Variants in DACH1 observed in about 807,000 individuals in gnomAD.
DACH1 encodes dachshund homolog 1.
DACH1 carries 12 observed loss-of-function variants against 54.2 expected under a neutral mutation model. That is an observed-to-expected ratio of 0.22 (90% CI 0.14 to 0.36). DACH1 has a LOEUF of 0.36. Ranked by LOEUF, DACH1 falls within the 10% of genes least tolerant of loss-of-function variation. The probability of loss-of-function intolerance (pLI) is 1.00; values close to 1 mark genes in which losing one functional copy is unlikely to be tolerated. For missense variants in DACH1, 805 were observed against 929.8 expected, an observed-to-expected ratio of 0.87 and a Z score of 1.75; for synonymous variants, 386 against 366.2, an observed-to-expected ratio of 1.05 and a Z score of -0.62.
At chr13:71,506,829 G>A (rs1350091181) in intron 6 of DACH1, among the ~76,000 whole-genome samples, 2 of 151,548 alleles carry the variant, frequency 1.3e-5, no homozygotes, top group African/African-American at 4.8e-5. Flanking sequence ...TTAATAAATG[G>A]TGCTGGGAAA....
chr13:71,472,327 T>G (rs973907800), intron 10 of DACH1, among the ~76,000 whole-genome samples: 1 of 152,224 alleles, frequency 6.6e-6, no homozygotes, highest in African/African-American at 2.4e-5. Flanking sequence ...TCTTGATTCC[T>G]CTTGTCCACC....
At chr13:71,696,461 A>T (rs1291293264) in intron 1 of DACH1, among the ~76,000 whole-genome samples, 2 of 152,208 alleles carry the variant, frequency 1.3e-5, no homozygotes, top group Admixed American at 6.5e-5. Context: ...AGTCCATGCT[A>T]AATTGCCATG....
At position 71,589,973 on chromosome 13, in the gene DACH1, C is replaced by T. The variant is rs146316800; in HGVS notation, c.1127-16961G>A. Among the ~76,000 whole-genome samples the T allele has an allele frequency of 2.7e-3, 412 of 152,072 alleles. 4 individuals are homozygous for T. Among genetic ancestry groups the T allele is most frequent in the Admixed American group, 4.1e-3 (63 of 15,262 alleles). ...ATATGTACATTTTAAACTATACCTACGGGGCTGTAAATATAGTCAGTGTTA... is the reference window on the plus strand; with the variant it reads ...ATATGTACATTTTAAACTATACCTATGGGGCTGTAAATATAGTCAGTGTTA... On this transcript the variant is annotated intron_variant, in intron 3 of 10. Coordinates refer to ENST00000613252, the MANE Select transcript of DACH1 (RefSeq NM_080759.6).
At chr13:71,473,174 G>T (rs1207255163) in intron 10 of DACH1, among the ~76,000 whole-genome samples, 2 of 152,168 alleles carry the variant, frequency 1.3e-5, no homozygotes, top group Non-Finnish European at 2.9e-5. Context: ...AAAAACAACT[G>T]TACATTTTGA....
chr13:71,546,293 G>A (rs560558881), intron 6 of DACH1, among the ~76,000 whole-genome samples: 1 of 152,048 alleles, frequency 6.6e-6, no homozygotes, highest in African/African-American at 2.4e-5. Context: ...TTTTTCAAAA[G>A]AGGGATATAT....
chr13:71,566,656 CAT>C (rs1884910564), intron 4 of DACH1, among the ~76,000 whole-genome samples: 2 of 152,016 alleles, frequency 1.3e-5, no homozygotes, highest in Non-Finnish European at 2.9e-5. Context: ...AGCATTTAAA[CAT>C]GTGATGTATT....
At chr13:71,460,820 T>C (rs983337797) in intron 10 of DACH1, among the ~76,000 whole-genome samples, 7 of 152,060 alleles carry the variant, frequency 4.6e-5, no homozygotes, top group African/African-American at 1.7e-4. Context: ...CTGGTAACCC[T>C]TGGAAAGTAA....
chr13:71,636,011 T>C (rs2138583730), intron 2 of DACH1, among the ~76,000 whole-genome samples: 1 of 152,274 alleles, frequency 6.6e-6, no homozygotes, highest in East Asian at 1.9e-4. Flanking sequence ...CTCGAACTCC[T>C]GATCTCTGGT....
chr13:71,663,704 C>T (rs1267457320), intron 2 of DACH1, among the ~76,000 whole-genome samples: 1 of 151,886 alleles, frequency 6.6e-6, no homozygotes. Context: ...CAACTATTAG[C>T]TTATCTAACC....
In DACH1 at chr13:71,494,405, G is replaced by A. The variant is rs372078016; in HGVS notation, c.1571-5257C>T. ...TTTTCCCCTGGGTTAGCAATATGCA[G>A]TATGTGAGATATTTAACACTTTATT... is the stretch of plus-strand genomic sequence containing the variant. On this transcript the variant is annotated intron_variant, in intron 6 of 10. Coordinates refer to ENST00000613252, the MANE Select transcript of DACH1 (RefSeq NM_080759.6). Among the ~76,000 whole-genome samples, 28 of 152,106 alleles carry A rather than the reference G, an allele frequency of 1.8e-4. No individual in the cohort carries two copies. In the East Asian group the frequency reaches 5.0e-3, roughly 27 times the overall value.
At chr13:71,550,820 G>C (rs546815051) in intron 6 of DACH1, among the ~76,000 whole-genome samples, 2 of 151,966 alleles carry the variant, frequency 1.3e-5, no homozygotes, top group Non-Finnish European at 2.9e-5. Flanking sequence ...ACTTATTTTC[G>C]AGGCATGGAA....
intron 1 of DACH1, among the ~76,000 whole-genome samples, chr13:71,850,627 G>T (rs1003741263): frequency 6.6e-6 from 1 of 152,166 alleles, no homozygotes; most frequent in African/African-American, 2.4e-5. Context: ...GTACAAAAAT[G>T]TTGAGGAGTA....
chr13:71,739,842 T>C (rs1884307294), intron 1 of DACH1, among the ~76,000 whole-genome samples: 1 of 152,236 alleles, frequency 6.6e-6, no homozygotes, highest in Admixed American at 6.5e-5. Flanking sequence ...CAAATTTTCT[T>C]TGTAACTAAG....
rs551866240 is a variant in DACH1 at position 71,758,365 on chromosome 13, T to C, written c.849-76455A>G. ...AAGAGATCCCTGGAAAACACCTCTGTAGGTGTCTAAAGAAATACAGGGAGT... is the reference window on the plus strand; with the variant it reads ...AAGAGATCCCTGGAAAACACCTCTGCAGGTGTCTAAAGAAATACAGGGAGT... On this transcript the variant is annotated intron_variant, in intron 1 of 10. Coordinates refer to ENST00000613252, the MANE Select transcript of DACH1 (RefSeq NM_080759.6). 2.1e-4 allele frequency among the ~76,000 whole-genome samples: 32 copies of C among 152,344 alleles called. No individual in the cohort carries two copies. The East Asian group carries it at 3.5e-3, about 17-fold the overall frequency.
chr13:71,528,857 T>A (rs1882201020), intron 6 of DACH1, among the ~76,000 whole-genome samples: 2 of 152,196 alleles, frequency 1.3e-5, no homozygotes, highest in South Asian at 4.2e-4. Context: ...CACTAAATGT[T>A]CTATAAAAGG....
intron 10 of DACH1, among the ~76,000 whole-genome samples, chr13:71,472,334 C>T (rs2138165078): frequency 6.6e-6 from 1 of 152,112 alleles, no homozygotes; most frequent in African/African-American, 2.4e-5. Flanking sequence ...TCCTCTTGTC[C>T]ACCTCTGTGG....
chr13:71,753,118 G>C (rs1025647789), intron 1 of DACH1, among the ~76,000 whole-genome samples: 2 of 152,122 alleles, frequency 1.3e-5, no homozygotes, highest in Non-Finnish European at 2.9e-5. Context: ...AGAAAAATAA[G>C]CGAACCACTG....
At chr13:71,757,453 C>T (rs899508088) in intron 1 of DACH1, among the ~76,000 whole-genome samples, 6 of 151,340 alleles carry the variant, frequency 4.0e-5, no homozygotes, top group African/African-American at 7.3e-5. Context: ...TTCCTAATCA[C>T]AGAAATGGGT....
intron 4 of DACH1, among the ~76,000 whole-genome samples, chr13:71,570,906 C>T (rs1413843026): frequency 6.6e-6 from 1 of 152,106 alleles, no homozygotes; most frequent in Admixed American, 6.6e-5. Flanking sequence ...TTCTAATTAA[C>T]AAGTAGCACA....
Sources: gnomAD v4.1 joint callset for allele counts (sites outside exome capture counted in the v4.1 genomes callset) on GRCh38, gnomAD v4.1.1 for gene constraint, MANE v1.5 for transcripts, NCBI Gene and HGNC (gene_info 2026-07-23, HGNC 2026-07-21) for gene names.